Variants in MYO10 observed in about 807,000 individuals in gnomAD.
The protein encoded by MYO10 is unconventional myosin-X.
Under a neutral mutation model 257.3 loss-of-function variants are expected in MYO10, and 133 were observed. The ratio of observed to expected loss-of-function variants is 0.52; its 90% CI spans 0.45 to 0.60. The LOEUF is 0.60. MYO10 is among the 20% of genes least tolerant of loss of function. MYO10 has a pLI of 0.00. For synonymous variants in MYO10, 1,104 were observed against 1,028.6 expected (o/e 1.07, Z -1.40); for missense variants, 2,399 against 2,635.7 (o/e 0.91, Z 1.97).
intron 4 of MYO10, among the ~76,000 whole-genome samples, chr5:16,790,790 G>C (rs1741726587): frequency 1.3e-5 from 2 of 151,928 alleles, no homozygotes; most frequent in East Asian, 3.9e-4. Context: ...ACCCTGTCTG[G>C]CCTATACGGT....
chr5:16,837,824 C>G (rs952235063), intron 2 of MYO10, among the ~76,000 whole-genome samples: 1 of 152,134 alleles, frequency 6.6e-6, no homozygotes, highest in Non-Finnish European at 1.5e-5. Flanking sequence ...TTTGTGGCAA[C>G]CCTGTGCAAG....
chr5:16,835,960 G>A (rs1441676338), intron 2 of MYO10, among the ~76,000 whole-genome samples: 1 of 152,146 alleles, frequency 6.6e-6, no homozygotes, highest in Non-Finnish European at 1.5e-5. Context: ...GTCTTTGTAA[G>A]TGTCTATGAA....
intron 1 of MYO10, among the ~76,000 whole-genome samples, chr5:16,922,145 CA>C (rs1746004784): frequency 6.6e-6 from 1 of 151,168 alleles, no homozygotes. Context: ...ACCCGGGAGG[CA>C]GAGGCTGCAG....
intron 19 of MYO10, among the ~76,000 whole-genome samples, chr5:16,752,714 C>A (rs1740415231): frequency 1.3e-5 from 2 of 152,208 alleles, no homozygotes; most frequent in South Asian, 4.1e-4. Flanking sequence ...GAGTCTACAT[C>A]AAGCACCAAA....
chr5:16,754,877 C>A lies in MYO10; in HGVS notation c.1880G>T (p.Ser627Ile). ...GCGAACAAAGAAAGGATTAGAGGAG[C>A]TTAGCGTTGCCATTAAGGAATGCAG... Reference protein sequence around the residue: ...DSLHSLMATLSSSNPFFVRCI... With the variant: ...DSLHSLMATLISSNPFFVRCI... The change falls in exon 19 of 41, where the codon AGC becomes ATC. Residue 627 changes from serine to isoleucine, a missense_variant. Transcript: ENST00000513610. 1.2e-6 allele frequency: 2 copies of A among 1,602,898 alleles called. No homozygotes were observed. The highest frequency in any genetic ancestry group is 1.7e-6 in the Non-Finnish European group (2 of 1,173,046).
chr5:16,884,469 C>A (rs752652844), intron 1 of MYO10, among the ~76,000 whole-genome samples: 7 of 152,168 alleles, frequency 4.6e-5, no homozygotes, highest in Non-Finnish European at 7.4e-5. Flanking sequence ...CTATTTAAAT[C>A]TGCAGTAAAT....
At chr5:16,744,636 G>C (rs1740131719) in intron 19 of MYO10, among the ~76,000 whole-genome samples, 1 of 151,678 alleles carries the variant, frequency 6.6e-6, no homozygotes, top group African/African-American at 2.4e-5. Flanking sequence ...TAACTAAGCA[G>C]GCTTGCAGAG....
chr5:16,806,011 A>G (rs946415496), intron 3 of MYO10, among the ~76,000 whole-genome samples: 1 of 152,194 alleles, frequency 6.6e-6, no homozygotes, highest in African/African-American at 2.4e-5. Context: ...TCAAAATATC[A>G]TGTTGTGTAT....
At chr5:16,768,351 T>C (rs957877638) in intron 10 of MYO10, among the ~76,000 whole-genome samples, 5 of 152,104 alleles carry the variant, frequency 3.3e-5, no homozygotes, top group South Asian at 2.1e-4. Flanking sequence ...GGAAACAGTA[T>C]GAAGCAGGGG....
chr5:16,804,515 T>C (rs1039903751), intron 3 of MYO10, among the ~76,000 whole-genome samples: 1 of 152,244 alleles, frequency 6.6e-6, no homozygotes, highest in Non-Finnish European at 1.5e-5. Flanking sequence ...CTGAACCTGC[T>C]AAAACAGGGA....
intron 4 of MYO10, among the ~76,000 whole-genome samples, chr5:16,790,928 C>T (rs1430920139): frequency 2.9e-5 from 4 of 139,520 alleles, no homozygotes; most frequent in African/African-American, 1.1e-4. Flanking sequence ...CACACACACA[C>T]ATATATTCAA....
At chr5:16,692,840 G>A (rs986623344) in intron 27 of MYO10, among the ~76,000 whole-genome samples, 6 of 152,200 alleles carry the variant, frequency 3.9e-5, no homozygotes, top group African/African-American at 1.4e-4. Flanking sequence ...GTATAATTCT[G>A]ATGAAGCACC....
At chr5:16,882,253 T>C (rs187721789) in intron 1 of MYO10, among the ~76,000 whole-genome samples, 18 of 152,316 alleles carry the variant, frequency 1.2e-4, no homozygotes, top group Non-Finnish European at 2.4e-4. Flanking sequence ...AACAATGATT[T>C]CCTGGATATA....
In MYO10 at chr5:16,735,777, C is replaced by T. The variant is rs113903745; in HGVS notation, c.1929+19051G>A. On this transcript the variant is annotated intron_variant, in intron 19 of 40. Coordinates refer to ENST00000513610, the MANE Select transcript of MYO10 (RefSeq NM_012334.3). ...TCTAAAAAATCCTCCCTGTCTGTCT[C>T]CGCATTCAACTCCAACAATATCTTG... Among the ~76,000 whole-genome samples the T allele has an allele frequency of 4.4e-3, 672 of 152,204 alleles. 8 individuals are homozygous for T. The highest frequency in any genetic ancestry group is 0.015 in the African/African-American group (635 of 41,540).
At position 16,739,024 on chromosome 5, in the gene MYO10, T is replaced by C. The variant is rs1472237051; in HGVS notation, c.1929+15804A>G. On this transcript the variant is annotated intron_variant, in intron 19 of 40. Transcript: ENST00000513610. The stretch of plus-strand genomic sequence containing the variant: ...TAGTCACAGAAACCAAGAAGTGTTA[T>C]TAAAAAGCAACACAGAGCCAGGAGC... 2.6e-5 allele frequency among the ~76,000 whole-genome samples: 4 copies of C among 151,932 alleles called. No individual in the cohort carries two copies. The East Asian group carries it at 7.7e-4, about 29-fold the overall frequency.
intron 2 of MYO10, among the ~76,000 whole-genome samples, chr5:16,872,108 T>G (rs975503284): frequency 2.6e-5 from 4 of 152,254 alleles, no homozygotes. Flanking sequence ...GAGCTGCCCA[T>G]GGACAACAGC....
At chr5:16,888,552 G>A (rs1452741489) in intron 1 of MYO10, among the ~76,000 whole-genome samples, 2 of 151,424 alleles carry the variant, frequency 1.3e-5, no homozygotes, top group Admixed American at 6.6e-5. Flanking sequence ...CCGAAATTGC[G>A]CCACTGCACT....
intron 3 of MYO10, among the ~76,000 whole-genome samples, chr5:16,813,697 G>A (rs935577398): frequency 2.6e-5 from 4 of 152,176 alleles, no homozygotes; most frequent in Non-Finnish European, 4.4e-5. Context: ...CTCTGCACAG[G>A]TGATTATGGT....
intron 37 of MYO10, among the ~76,000 whole-genome samples, chr5:16,671,977 G>A (rs1736486525): frequency 1.3e-5 from 2 of 152,170 alleles, no homozygotes; most frequent in South Asian, 4.2e-4. Flanking sequence ...CTACTTCGAG[G>A]ATATGAAGTC....
Sources: gnomAD v4.1 joint callset for allele counts (sites outside exome capture counted in the v4.1 genomes callset) on GRCh38, gnomAD v4.1.1 for gene constraint, MANE v1.5 for transcripts, NCBI Gene and HGNC (gene_info 2026-07-23, HGNC 2026-07-21) for gene names.